The following ATRNL1 variants were observed in gnomAD, a reference collection of about 807,000 sequenced individuals.
The protein encoded by ATRNL1 is attractin like 1, also known as attractin-like protein 1.
Under a neutral mutation model 182.7 loss-of-function variants are expected in ATRNL1, and 95 were observed. The ratio of observed to expected loss-of-function variants is 0.52; its 90% CI spans 0.44 to 0.62. ATRNL1 has a LOEUF of 0.62. Ranked by LOEUF, ATRNL1 falls within the 20% of genes least tolerant of loss-of-function variation. ATRNL1 has a pLI of 0.00. For synonymous variants in ATRNL1, 576 were observed against 568.3 expected, an observed-to-expected ratio of 1.01 and a Z score of -0.19; for missense variants, 1,471 against 1,679.5, an observed-to-expected ratio of 0.88 and a Z score of 2.17.
intron 8 of ATRNL1, among the ~76,000 whole-genome samples, chr10:115,197,657 C>T (rs1389134333): frequency 6.9e-6 from 1 of 144,746 alleles, no homozygotes; most frequent in African/African-American, 2.4e-5. Context: ...TCCAGGACCC[C>T]ATACCAAAGC....
intron 28 of ATRNL1, among the ~76,000 whole-genome samples, chr10:115,862,512 A>C (rs1436015903): frequency 6.6e-6 from 1 of 152,226 alleles, no homozygotes; most frequent in Non-Finnish European, 1.5e-5. Context: ...AGTATTTCTC[A>C]GAAATGCAAA....
At chr10:115,466,550 G>A (rs1392158866) in intron 22 of ATRNL1, among the ~76,000 whole-genome samples, 1 of 151,150 alleles carries the variant, frequency 6.6e-6, no homozygotes, top group Non-Finnish European at 1.5e-5. Context: ...TAAATGTAAA[G>A]AGTCTGTACT....
At chr10:115,297,646 G>A (rs138780542) in intron 15 of ATRNL1, among the ~76,000 whole-genome samples, 1,326 of 110,762 alleles carry the variant, frequency 0.012, 21 homozygotes, top group African/African-American at 0.046. Flanking sequence ...GTAAGACTCC[G>A]TCTTAAAAAA....
intron 23 of ATRNL1, among the ~76,000 whole-genome samples, chr10:115,468,861 T>A (rs1477208453): frequency 6.6e-6 from 1 of 150,668 alleles, no homozygotes; most frequent in Non-Finnish European, 1.5e-5. Flanking sequence ...TTTCTGAGGC[T>A]TAGGTTGAAA....
chr10:115,870,069 C>T (rs1010940763), intron 28 of ATRNL1, among the ~76,000 whole-genome samples: 5 of 147,028 alleles, frequency 3.4e-5, no homozygotes, highest in Non-Finnish European at 7.4e-5. Flanking sequence ...CCTTGGGACA[C>T]ATTACTTGTT....
chr10:115,615,784 C>G, intron 26 of ATRNL1, among the ~76,000 whole-genome samples: 1 of 152,198 alleles, frequency 6.6e-6, no homozygotes, highest in East Asian at 1.9e-4. Flanking sequence ...TGTAGCCAAG[C>G]AGATGCTGCC....
In ATRNL1 at chr10:115,868,822, C is replaced by CTTTTTTTTTTTTTTT. The variant is rs67676674; in HGVS notation, c.4018+20842_4018+20856dup. ...ATATATCTGGTGGCAAGTCTTTATT[C>CTTTTTTTTTTTTTTT]TTTTTTTTTTTTTTTTTTTTTTTTT... On this transcript the variant is annotated intron_variant, in intron 28 of 28. Transcript: ENST00000355044. Among the ~76,000 whole-genome samples the CTTTTTTTTTTTTTTT allele has an allele frequency of 6.4e-3, 370 of 58,072 alleles. 69 individuals are homozygous for CTTTTTTTTTTTTTTT. Among genetic ancestry groups the CTTTTTTTTTTTTTTT allele is most frequent in the Middle Eastern group, 0.019 (1 of 54 alleles). The allele number at this position is 58,072 out of a possible 152,430, so 38.1% of individuals were successfully genotyped here.
intron 27 of ATRNL1, among the ~76,000 whole-genome samples, chr10:115,764,741 T>C (rs1342581078): frequency 6.6e-6 from 1 of 152,092 alleles, no homozygotes; most frequent in African/African-American, 2.4e-5. Context: ...GGTGCAATCT[T>C]GGCTCACTGC....
At chr10:115,442,116 T>C (rs1269500112) in intron 21 of ATRNL1, among the ~76,000 whole-genome samples, 1 of 151,980 alleles carries the variant, frequency 6.6e-6, no homozygotes, top group Non-Finnish European at 1.5e-5. Flanking sequence ...TCAGACCATC[T>C]CACTACCCAG....
chr10:115,373,623 T>A (rs1554948703), intron 19 of ATRNL1, among the ~76,000 whole-genome samples: 2 of 152,050 alleles, frequency 1.3e-5, no homozygotes, highest in African/African-American at 4.8e-5. Flanking sequence ...ATTACGTGAT[T>A]TTTATTTTTC....
chr10:115,488,193 G>C (rs1849119489), intron 24 of ATRNL1, among the ~76,000 whole-genome samples: 1 of 152,052 alleles, frequency 6.6e-6, no homozygotes, highest in Non-Finnish European at 1.5e-5. Context: ...TCCTTTTGCT[G>C]TGTCTCTACC....
Position 115,265,222 on chromosome 10 carries a change from C to A in ATRNL1, c.1717C>A (p.Pro573Thr). ...TGATGAATGGAAAATACTACCAAAA[C>A]CAAATCTTCATAGAGATGTCAACAG... ...ACDEWKILPK[P>T]NLHRDVNRFG... The change falls in exon 11 of 29, where the codon CCA becomes ACA. Residue 573 changes from proline (P) to threonine (T), a missense_variant. By Grantham distance (38) the Pro-to-Thr change is conservative. Coordinates refer to ENST00000355044, the MANE Select transcript of ATRNL1 (RefSeq NM_207303.4). 1 of 1,607,916 alleles carries A rather than the reference C, an allele frequency of 6.2e-7. No individual in the cohort carries two copies. The highest frequency in any genetic ancestry group is 8.5e-7 in the Non-Finnish European group (1 of 1,176,396).
intron 25 of ATRNL1, among the ~76,000 whole-genome samples, chr10:115,547,631 A>C (rs1471265765): frequency 6.6e-6 from 1 of 152,146 alleles, no homozygotes; most frequent in African/African-American, 2.4e-5. Flanking sequence ...TAAAAGAGGG[A>C]ATTTGGAATG....
intron 17 of ATRNL1, among the ~76,000 whole-genome samples, chr10:115,304,090 C>T (rs923614508): frequency 3.3e-5 from 5 of 152,116 alleles, no homozygotes; most frequent in Non-Finnish European, 7.4e-5. Flanking sequence ...CCACTGGTTT[C>T]CCTCTGACCC....
At chr10:115,160,938 A>G (rs1554883128) in intron 6 of ATRNL1, among the ~76,000 whole-genome samples, 1 of 151,962 alleles carries the variant, frequency 6.6e-6, no homozygotes, top group East Asian at 1.9e-4. Context: ...GTGTATACAC[A>G]ATAGAATTGC....
intron 26 of ATRNL1, among the ~76,000 whole-genome samples, chr10:115,653,557 AC>A (rs1860144584): frequency 6.6e-6 from 1 of 152,194 alleles, no homozygotes; most frequent in Non-Finnish European, 1.5e-5. Context: ...AACAACAGTA[AC>A]AATATCCTTC....
chr10:115,749,565 T>C (rs868920449), intron 27 of ATRNL1, among the ~76,000 whole-genome samples: 2 of 152,062 alleles, frequency 1.3e-5, no homozygotes, highest in South Asian at 4.1e-4. Flanking sequence ...CTCAGGCATG[T>C]AATTAATATT....
intron 26 of ATRNL1, among the ~76,000 whole-genome samples, chr10:115,661,465 C>G (rs1860678058): frequency 6.6e-6 from 1 of 152,038 alleles, no homozygotes; most frequent in South Asian, 2.1e-4. Flanking sequence ...ATTAAAGAAT[C>G]TACATTATTT....
At chr10:115,778,019 T>G (rs1198442053) in intron 27 of ATRNL1, among the ~76,000 whole-genome samples, 3 of 152,022 alleles carry the variant, frequency 2.0e-5, no homozygotes, top group African/African-American at 7.2e-5. Flanking sequence ...CAAAACACAA[T>G]TGAATAAAGA....
Sources: gnomAD v4.1 joint callset for allele counts (sites outside exome capture counted in the v4.1 genomes callset) on GRCh38, gnomAD v4.1.1 for gene constraint, MANE v1.5 for transcripts, NCBI Gene and HGNC (gene_info 2026-07-23, HGNC 2026-07-21) for gene names.